The following MAN2B1 variants were observed in gnomAD, a reference collection of about 807,000 sequenced individuals.
The protein encoded by MAN2B1 is mannosidase alpha class 2B member 1.
Under a neutral mutation model 127.5 loss-of-function variants are expected in MAN2B1, and 99 were observed. That is an observed-to-expected ratio of 0.78 (90% CI 0.66 to 0.92). The LOEUF is 0.92. Among genes scored for constraint, MAN2B1 ranks in the 40% least tolerant of loss-of-function variants. MAN2B1 has a pLI of 0.00. For missense variants in MAN2B1, 1,304 were observed against 1,384.8 expected (o/e 0.94, Z 0.93); for synonymous variants, 573 against 568.8 (o/e 1.01, Z -0.11).
intron 6 of MAN2B1, 67 bp from the exon 7 acceptor site, chr19:12,661,443 G>T: frequency 9.4e-7 from 1 of 1,065,638 alleles, no homozygotes; most frequent in Non-Finnish European, 1.5e-6. Flanking sequence ...GCTGTGTTTT[G>T]ATGTATATGG....
chr19:12,655,645 C>T, intron 14 of MAN2B1, 49 bp downstream of exon 14: 1 of 1,579,552 alleles, frequency 6.3e-7, no homozygotes, highest in Non-Finnish European at 8.6e-7. Flanking sequence ...CACCATGACA[C>T]TTCAAATTTG....
At chr19:12,664,423 C>G (rs2024178455) in intron 4 of MAN2B1, among the ~76,000 whole-genome samples, 1 of 152,094 alleles carries the variant, frequency 6.6e-6, no homozygotes, top group South Asian at 2.1e-4. Context: ...CCTTCCACAG[C>G]CTGAGGATGG....
chr19:12,650,272 G>T, intron 16 of MAN2B1, 50 bp from the exon 17 acceptor site: 1 of 1,219,762 alleles, frequency 8.2e-7, no homozygotes, highest in Non-Finnish European at 1.2e-6. Context: ...GAGCAGAGGT[G>T]AGTCCTACAA....
chr19:12,646,654 A>G lies in MAN2B1; in HGVS notation c.3002T>C (p.Leu1001Pro), dbSNP rs762104115. 3.0e-5 allele frequency: 48 copies of G among 1,613,908 alleles called. No individual in the cohort carries two copies. Among genetic ancestry groups the G allele is most frequent in the Non-Finnish European group, 3.8e-5 (45 of 1,179,938 alleles). Residue 1001 changes from leucine to proline, a missense_variant, in exon 24 of 24, where the codon CTG becomes CCG. Physicochemically the swap from Leu to Pro is moderately conservative, Grantham distance 98. Coordinates refer to ENST00000456935, the MANE Select transcript of MAN2B1 (RefSeq NM_000528.4). ...TLEPMEIRTF[L>P]ASVQWKEVDG is the part of the protein sequence containing the mutation. ...CACCTCCTTCCATTGAACTGAGGCC[A>G]GGAAAGTGCGGATTTCCATGGGTTC...
intron 14 of MAN2B1, among the ~76,000 whole-genome samples, chr19:12,654,925 C>T (rs1405151733): frequency 6.6e-6 from 1 of 152,124 alleles, no homozygotes. Context: ...CTCAGCCTCC[C>T]GTGGTGCTAG....
intron 16 of MAN2B1, among the ~76,000 whole-genome samples, chr19:12,650,828 CCT>C (rs2023828473): frequency 6.6e-6 from 1 of 151,788 alleles, no homozygotes; most frequent in Non-Finnish European, 1.5e-5. Context: ...TGCCACCACC[CCT>C]GGCTAATTTT....
intron 7 of MAN2B1, 183 bp from the exon 8 acceptor site, chr19:12,658,693 G>C (rs1417396513): frequency 1.6e-6 from 1 of 622,980 alleles, no homozygotes; most frequent in African/African-American, 1.8e-5. Context: ...ATGACCACTA[G>C]CCTTTTTTAA....
intron 3 of MAN2B1, 128 bp downstream of exon 3, chr19:12,665,224 G>T (rs878936648): frequency 1.6e-6 from 2 of 1,245,482 alleles, no homozygotes; most frequent in Non-Finnish European, 2.3e-6. Context: ...CAAATGGAGA[G>T]TCCAGGCAGG....
intron 5 of MAN2B1, 107 bp downstream of exon 5, chr19:12,663,596 C>T (rs560151508): frequency 1.3e-6 from 2 of 1,541,870 alleles, no homozygotes; most frequent in South Asian, 2.3e-5. Context: ...GCCTTTGTTC[C>T]CAGACTATAG....
Position 12,657,427 on chromosome 19 carries a change from C to T in MAN2B1, c.1419+19G>A. 1 of 1,545,478 alleles carries T rather than the reference C, an allele frequency of 6.5e-7. No individual in the cohort carries two copies. Among genetic ancestry groups the T allele is most frequent in the Non-Finnish European group, 8.7e-7 (1 of 1,144,408 alleles). ...TTCCTGTCTCCACCCCCGTGTCTCC[C>T]AAGTCTCGCCCCGCGCACCTCGCAA... On this transcript the variant is annotated intron_variant, in intron 11 of 23. Transcript: ENST00000456935.
intron 16 of MAN2B1, 127 bp downstream of exon 16, chr19:12,652,026 C>T: frequency 1.3e-6 from 1 of 785,966 alleles, no homozygotes; most frequent in South Asian, 1.4e-5. Flanking sequence ...ATCTGTGGGT[C>T]TTAGCCCACT....
At chr19:12,654,530 G>C (rs2023915396) in intron 14 of MAN2B1, among the ~76,000 whole-genome samples, 2 of 152,142 alleles carry the variant, frequency 1.3e-5, no homozygotes, top group Non-Finnish European at 2.9e-5. Flanking sequence ...GGGCCAACTT[G>C]GGCATCTGAT....
chr19:12,657,294 C>A, intron 11 of MAN2B1, 152 bp downstream of exon 11: 2 of 749,338 alleles, frequency 2.7e-6, no homozygotes, highest in Admixed American at 2.0e-5. Context: ...TATCTTTCCC[C>A]GCCTCCTACA....
At chr19:12,664,676 G>A in intron 4 of MAN2B1, 116 bp downstream of exon 4, 4 of 1,127,866 alleles carry the variant, frequency 3.5e-6, no homozygotes, top group Admixed American at 4.0e-5. Flanking sequence ...GGCTTCAACA[G>A]GCCTAGGCCT....
In MAN2B1 at chr19:12,655,702, C is replaced by T. The variant is rs145062583; in HGVS notation, c.1822G>A (p.Glu608Lys). The T allele has an allele frequency of 7.3e-4, 1,178 of 1,608,940 alleles. 2 individuals carry two copies. The highest frequency in any genetic ancestry group is 5.2e-4 in the Non-Finnish European group (613 of 1,176,792). ...TTGAAATGGGGTCTCACCTCATTTT[C>T]GATGGTTAAAGCAGGGGACCAGGAT... ...RRSWSPALTI[E>K]NEHIRATFDP... Residue 608 changes from glutamate (E) to lysine (K), a missense_variant, in exon 14 of 24, where the codon GAA becomes AAA. Glu to Lys is a moderately conservative substitution (Grantham distance 56). Transcript: ENST00000456935.
rs11554970 is a variant in MAN2B1, at chr19:12,663,747, C to T, written c.719G>A (p.Arg240Gln). Residue 240 changes from arginine to glutamine, a missense_variant, in exon 5 of 24, where the codon CGG (arginine) becomes CAG (glutamine). Coordinates refer to ENST00000456935, the MANE Select transcript of MAN2B1 (RefSeq NM_000528.4). ...CGGGGGCTTCAGGCTGGTGCTGGCC[C>T]GCCACACCTGCTCCATCTCCAGCTT... ...MQKLEMEQVWRASTSLKPPTA... is the reference protein window; with the variant it reads ...MQKLEMEQVWQASTSLKPPTA... 321 of 1,614,002 alleles carry T rather than the reference C, an allele frequency of 2.0e-4. 1 individual carries two copies. The East Asian group carries it at 5.9e-3, about 29-fold the overall frequency.
Position 12,658,156 on chromosome 19 carries a change from G to T in MAN2B1, c.1231-15C>A. ...TGGTTGCACACCTGGAGGCAGAGGG[G>T]TATGTTGGGGCGCCCAGCCTGTCGG... On this transcript the variant is annotated splice_polypyrimidine_tract_variant and intron_variant, in intron 9 of 23. Transcript: ENST00000456935. 6.2e-7 allele frequency: 1 copy of T among 1,613,558 alleles called. No individual in the cohort carries two copies. The highest frequency in any genetic ancestry group is 8.5e-7 in the Non-Finnish European group (1 of 1,179,938).
In MAN2B1 at chr19:12,647,461, G is replaced by A. The variant is rs772974771; in HGVS notation, c.2802C>T (p.Pro934=). 2.3e-5 allele frequency: 37 copies of A among 1,614,090 alleles called. No homozygotes were observed. The highest frequency in any genetic ancestry group is 1.6e-4 in the Middle Eastern group (1 of 6,084). The change falls in exon 22 of 24, where the codon CCC becomes CCT. Residue 934 remains proline, a synonymous_variant. Transcript: ENST00000456935. This position sits in a 1 kb window ranked among gnomAD's most constrained non-coding sequence, Gnocchi z 4.9. The part of the protein sequence containing the change: ...GEDSGRNLSA[P]VTLNLRDLFS... ...TTCTCACCCTCAAGTTCAAGGTAAC[G>A]GGGGCGCTCAGGTTACGTCCGGAAT...
At chr19:12,650,637 C>T (rs1238497511) in intron 16 of MAN2B1, among the ~76,000 whole-genome samples, 1 of 151,346 alleles carries the variant, frequency 6.6e-6, no homozygotes, top group Non-Finnish European at 1.5e-5. Context: ...GGATTACAGG[C>T]GTGAGCCACC....
Sources: allele counts gnomAD v4.1 joint callset (sites outside exome capture counted in the v4.1 genomes callset), GRCh38; gene constraint gnomAD v4.1.1; non-coding constraint Gnocchi (gnomAD v3.1); transcripts MANE v1.5; gene names NCBI Gene and HGNC (gene_info 2026-07-23, HGNC 2026-07-21).